The following MAD1L1 variants were observed in gnomAD, a reference collection of about 807,000 sequenced individuals.
MAD1L1 encodes the protein mitotic arrest deficient 1 like 1.
In MAD1L1, 95 loss-of-function variants were observed where a neutral mutation model predicts 96.9. The ratio of observed to expected loss-of-function variants is 0.98; its 90% CI spans 0.83 to 1.16. The LOEUF is 1.16. MAD1L1 is among the 50% of genes most tolerant of loss of function. The probability of loss-of-function intolerance (pLI) is 0.00; values close to 1 mark genes in which losing one functional copy is unlikely to be tolerated. For missense variants in MAD1L1, 1,007 were observed against 954.4 expected (o/e 1.06, Z -0.73); for synonymous variants, 473 against 396.6 (o/e 1.19, Z -2.29).
At chr7:1,854,864 G>A (rs1183875490) in intron 18 of MAD1L1, among the ~76,000 whole-genome samples, 1 of 152,234 alleles carries the variant, frequency 6.6e-6, no homozygotes, top group East Asian at 1.9e-4. Context: ...AAAGGCAAGA[G>A]GGAGGGTGCC....
intron 17 of MAD1L1, among the ~76,000 whole-genome samples, chr7:1,909,404 A>T (rs1787871671): frequency 6.6e-6 from 1 of 152,184 alleles, no homozygotes; most frequent in South Asian, 2.1e-4. Flanking sequence ...TTACATTTTT[A>T]AATATTTAAT....
At chr7:1,845,572 G>A (rs1453046959) in intron 18 of MAD1L1, 3 of 114,736 alleles carry the variant, frequency 2.6e-5, no homozygotes, top group Admixed American at 9.2e-5. Context: ...GGGGAAGAGC[G>A]CTGTTTAGGA....
At position 2,114,338 on chromosome 7, in the gene MAD1L1, CA is replaced by C. The variant is rs1391462271; in HGVS notation, c.1073+34813del. Among the ~76,000 whole-genome samples the C allele has an allele frequency of 4.6e-5, 7 of 152,194 alleles. No individual in the cohort carries two copies. The highest frequency in any genetic ancestry group is 1.5e-5 in the Non-Finnish European group (1 of 68,040). The stretch of plus-strand genomic sequence containing the variant: ...CCAGCCCACGGTCTGAGCAGGGAAC[CA>C]GGGGGCCTTCCCTACACAGAGCACA... On this transcript the variant is annotated intron_variant, in intron 11 of 18. Transcript: ENST00000265854. This position sits in a 1 kb window ranked among gnomAD's most constrained non-coding sequence, Gnocchi z 4.2.
chr7:2,135,874 C>T (rs1431571894), intron 11 of MAD1L1, among the ~76,000 whole-genome samples: 4 of 152,240 alleles, frequency 2.6e-5, no homozygotes, highest in African/African-American at 9.6e-5. Flanking sequence ...TTTTCAGGCT[C>T]TTTTCGCCAT....
intron 16 of MAD1L1, among the ~76,000 whole-genome samples, chr7:1,954,813 C>T (rs1030209530): frequency 5.3e-5 from 8 of 152,200 alleles, no homozygotes; most frequent in African/African-American, 1.9e-4. Context: ...TCCGTGGGTG[C>T]CCCGAGCTCT....
chr7:1,955,909 G>T (rs150737718), intron 16 of MAD1L1, among the ~76,000 whole-genome samples: 56 of 143,420 alleles, frequency 3.9e-4, no homozygotes, highest in African/African-American at 1.4e-3. Context: ...CAGATGAAAC[G>T]AACTATTTTG....
intron 11 of MAD1L1, among the ~76,000 whole-genome samples, chr7:2,134,518 G>T (rs182197225): frequency 6.6e-6 from 1 of 152,334 alleles, no homozygotes; most frequent in East Asian, 1.9e-4. Flanking sequence ...GCGAATAGGA[G>T]TGGTGAGTGG....
Position 1,851,032 on chromosome 7 carries a change from G to A in MAD1L1, c.1999-34804C>T, listed in dbSNP as rs934483885. On this transcript the variant is annotated intron_variant, in intron 18 of 18. Transcript: ENST00000265854. ...AAGCTTCTGTGACCCTGCGTCCACC[G>A]TGGCAGCCCGGCTGGAGCCAACAAG... 4.6e-5 allele frequency among the ~76,000 whole-genome samples: 7 copies of A among 152,356 alleles called. No homozygotes were observed. In the East Asian group the frequency reaches 5.8e-4, roughly 13 times the overall value.
chr7:2,107,958 G>A (rs1274952325), intron 11 of MAD1L1, among the ~76,000 whole-genome samples: 2 of 152,062 alleles, frequency 1.3e-5, no homozygotes, highest in Non-Finnish European at 2.9e-5. Context: ...GTCCAGGCAG[G>A]GGACAGGAGA....
chr7:2,092,554 G>A (rs374642714), intron 11 of MAD1L1, among the ~76,000 whole-genome samples: 4 of 150,768 alleles, frequency 2.7e-5, no homozygotes, highest in Admixed American at 6.6e-5. Flanking sequence ...ACCATGCCCC[G>A]CCCGAGCATC....
At chr7:1,859,497 G>A (rs1016122502) in intron 18 of MAD1L1, among the ~76,000 whole-genome samples, 16 of 152,338 alleles carry the variant, frequency 1.1e-4, no homozygotes, top group African/African-American at 2.6e-4. Context: ...GAGGCGGAGC[G>A]CATCCCACCT....
intron 11 of MAD1L1, among the ~76,000 whole-genome samples, chr7:2,079,007 T>C (rs1785507211): frequency 8.5e-6 from 1 of 117,424 alleles, no homozygotes; most frequent in Non-Finnish European, 1.8e-5. Context: ...GGTGACACGT[T>C]CCATGTGTCT....
At position 1,960,816 on chromosome 7, in the gene MAD1L1, G is replaced by A. The variant is rs534569195; in HGVS notation, c.1506-3097C>T. On this transcript the variant is annotated intron_variant, in intron 15 of 18. Coordinates refer to ENST00000265854, the MANE Select transcript of MAD1L1 (RefSeq NM_001013836.2). ...CCTATTTCACCTGGATAAATGCTTCGACTCTTAAGAGCAGGAGACCCAGTC... is the reference window on the plus strand; with the variant it reads ...CCTATTTCACCTGGATAAATGCTTCAACTCTTAAGAGCAGGAGACCCAGTC... 1.2e-3 allele frequency among the ~76,000 whole-genome samples: 178 copies of A among 152,228 alleles called. 1 individual carries two copies. Among genetic ancestry groups the A allele is most frequent in the African/African-American group, 4.2e-3 (176 of 41,516 alleles).
chr7:2,045,996 G>A (rs545045162), intron 12 of MAD1L1, among the ~76,000 whole-genome samples: 11 of 152,258 alleles, frequency 7.2e-5, no homozygotes, highest in South Asian at 4.1e-4. Flanking sequence ...TGACAGAGGC[G>A]GCAGTGGAGG....
At chr7:2,163,207 G>A (rs1045201172) in intron 10 of MAD1L1, among the ~76,000 whole-genome samples, 1 of 152,228 alleles carries the variant, frequency 6.6e-6, no homozygotes. Context: ...GCAGGACTGA[G>A]TGAGCACCAC....
intron 10 of MAD1L1, among the ~76,000 whole-genome samples, chr7:2,196,768 C>T (rs1263408543): frequency 1.3e-5 from 2 of 152,218 alleles, no homozygotes; most frequent in African/African-American, 2.4e-5. Flanking sequence ...GTCAGAAGGC[C>T]TCGGGCTCCC....
chr7:2,229,580 T>C (rs1323983959), intron 3 of MAD1L1, among the ~76,000 whole-genome samples: 1 of 152,272 alleles, frequency 6.6e-6, no homozygotes, highest in Non-Finnish European at 1.5e-5. Context: ...GTCTCTGGGC[T>C]GCCCAGGCAC....
At chr7:1,997,397 C>A (rs1781604018) in intron 14 of MAD1L1, among the ~76,000 whole-genome samples, 1 of 152,212 alleles carries the variant, frequency 6.6e-6, no homozygotes, top group Admixed American at 6.5e-5. Flanking sequence ...ACCACCTAGG[C>A]CCCAGCCTTT....
In MAD1L1 at chr7:1,821,474, G is replaced by C. The variant is rs1283329323; in HGVS notation, c.1999-5246C>G. 1.3e-5 allele frequency among the ~76,000 whole-genome samples: 2 copies of C among 152,026 alleles called. 1 individual carries two copies. The highest frequency in any genetic ancestry group is 2.9e-5 in the Non-Finnish European group (2 of 68,008). Reference sequence around the variant, plus strand: ...CCCTGTACTGAAACCAACAAGGATGGTGCGCACACAAAGAAAAATAAGTAT... The same window carrying C: ...CCCTGTACTGAAACCAACAAGGATGCTGCGCACACAAAGAAAAATAAGTAT... On this transcript the variant is annotated intron_variant, in intron 18 of 18. Coordinates refer to ENST00000265854, the MANE Select transcript of MAD1L1 (RefSeq NM_001013836.2).
Sources: gnomAD v4.1 joint callset for allele counts (sites outside exome capture counted in the v4.1 genomes callset) on GRCh38, gnomAD v4.1.1 for gene constraint, Gnocchi (gnomAD v3.1) non-coding constraint, MANE v1.5 for transcripts, NCBI Gene and HGNC (gene_info 2026-07-23, HGNC 2026-07-21) for gene names.